KIF18B: variants seen among roughly 807,000 people sequenced by gnomAD.
KIF18B encodes the protein kinesin family member 18B.
Under a neutral mutation model 80.9 loss-of-function variants are expected in KIF18B, and 49 were observed. The observed-to-expected ratio is 0.61, with a 90% CI of 0.48 to 0.77. The LOEUF is 0.77. Among genes scored for constraint, KIF18B ranks in the 30% least tolerant of loss-of-function variants. KIF18B has a pLI of 0.00. For missense variants in KIF18B, 994 were observed against 1,127.7 expected, an observed-to-expected ratio of 0.88 and a Z score of 1.70; for synonymous variants, 439 against 463.9, an observed-to-expected ratio of 0.95 and a Z score of 0.69.
intron 15 of KIF18B, 73 bp downstream of exon 15, chr17:44,926,341 C>A: frequency 6.4e-7 from 1 of 1,553,486 alleles, no homozygotes; most frequent in South Asian, 1.2e-5. Flanking sequence ...GGTCTCAGCT[C>A]CCCGTCCCCT....
In KIF18B at chr17:44,926,411, C is replaced by T; in HGVS notation, c.2452+3G>A. The T allele has an allele frequency of 6.4e-7, 1 of 1,569,592 alleles. No individual in the cohort carries two copies. ...GGCTATCCCTGTCCCTAGTGCCAGT[C>T]ACCTGGGAGTACAAGGGGCCCAGCT... is the stretch of plus-strand genomic sequence containing the variant. On this transcript the variant is annotated splice_donor_region_variant and intron_variant, in intron 15 of 15. Coordinates refer to ENST00000593135, the MANE Select transcript of KIF18B (RefSeq NM_001265577.2).
chr17:44,934,003 T>C lies in KIF18B; in HGVS notation c.982A>G (p.Ile328Val), dbSNP rs2052218789. 3 of 1,609,622 alleles carry C rather than the reference T, an allele frequency of 1.9e-6. No individual in the cohort carries two copies. The highest frequency in any genetic ancestry group is 1.7e-6 in the Non-Finnish European group (2 of 1,178,168). ...TCGTAGGTCAGGCTGGAGGGGCTGA[T>C]GGCAGCGATCATCACTGTGCGGCAG... ...GNCRTVMIAA[I>V]SPSSLTYEDT... is the part of the protein sequence containing the mutation. The change falls in exon 7 of 16, where the codon ATC (isoleucine) becomes GTC (valine). Residue 328 changes from isoleucine to valine, a missense_variant. Physicochemically the swap from Ile to Val is conservative, Grantham distance 29 (BLOSUM62 3). Coordinates refer to ENST00000593135, the MANE Select transcript of KIF18B (RefSeq NM_001265577.2). This position sits in a 1 kb window ranked among gnomAD's most constrained non-coding sequence, Gnocchi z 5.4.
chr17:44,943,859 C>T (rs918642849), intron 1 of KIF18B, among the ~76,000 whole-genome samples: 3 of 152,188 alleles, frequency 2.0e-5, no homozygotes, highest in African/African-American at 7.2e-5. Flanking sequence ...GCTGGGACCA[C>T]AGGTGTGCCA....
At chr17:44,930,802 G>A (rs2052129681) in intron 11 of KIF18B, among the ~76,000 whole-genome samples, 1 of 152,132 alleles carries the variant, frequency 6.6e-6, no homozygotes, top group Non-Finnish European at 1.5e-5. Flanking sequence ...TCAGGGGGAT[G>A]TCGCACCAGA....
At chr17:44,947,568 G>C (rs1051433249) in intron 1 of KIF18B, 60 bp downstream of exon 1, 13 of 152,296 alleles carry the variant, frequency 8.5e-5, no homozygotes, top group Non-Finnish European at 1.6e-4. Flanking sequence ...CTGGGTCTGC[G>C]CGTCCGAGAC....
At chr17:44,928,620 G>A in intron 12 of KIF18B, 42 bp from the exon 13 acceptor site, 2 of 1,439,410 alleles carry the variant, frequency 1.4e-6, no homozygotes, top group Admixed American at 2.8e-5. Context: ...TGGGGAGCCA[G>A]ACACTGGAGA....
In KIF18B at chr17:44,945,308, G is replaced by A. The variant is rs558769193; in HGVS notation, c.-15+2320C>T. Among the ~76,000 whole-genome samples, 26 of 152,304 alleles carry A rather than the reference G, an allele frequency of 1.7e-4. No individual in the cohort carries two copies. In the East Asian group the frequency reaches 4.8e-3, roughly 28 times the overall value. ...ACTCCTGGGCTCAAGCTGTCCACCC[G>A]CCTTGGTTTCCCAAACTGCTGGGAT... On this transcript the variant is annotated intron_variant, in intron 1 of 15. Coordinates refer to ENST00000593135, the MANE Select transcript of KIF18B (RefSeq NM_001265577.2).
chr17:44,933,642 A>G (rs2052208443), intron 7 of KIF18B, among the ~76,000 whole-genome samples: 1 of 151,956 alleles, frequency 6.6e-6, no homozygotes, highest in African/African-American at 2.4e-5. Flanking sequence ...ACAGGTGCCC[A>G]CCACCATGCC....
Position 44,926,499 on chromosome 17 carries a change from A to G in KIF18B, c.2367T>C (p.Ser789=). The change falls in exon 15 of 16, where the codon AGT becomes AGC. Residue 789 remains serine, a splice_region_variant and synonymous_variant. Coordinates refer to ENST00000593135, the MANE Select transcript of KIF18B (RefSeq NM_001265577.2). ...TSACKKKRVA[S]SSVSHGRSRI... is the part of the protein sequence containing the mutation. ...GGCTGCGGCCATGGGAGACTGAGGA[A>G]CTGAGGGAGGAAAGGAGGGAAGGTG... The G allele has an allele frequency of 6.3e-7, 1 of 1,582,584 alleles. No homozygotes were observed. The highest frequency in any genetic ancestry group is 8.6e-7 in the Non-Finnish European group (1 of 1,166,552).
At chr17:44,939,007 G>T (rs1163343885) in intron 1 of KIF18B, among the ~76,000 whole-genome samples, 1 of 150,332 alleles carries the variant, frequency 6.7e-6, no homozygotes, top group African/African-American at 2.5e-5. Flanking sequence ...TCGTACCACT[G>T]CACTCCAGCC....
chr17:44,941,318 G>A (rs1461505790), intron 1 of KIF18B, among the ~76,000 whole-genome samples: 2 of 151,268 alleles, frequency 1.3e-5, no homozygotes, highest in Admixed American at 6.6e-5. Context: ...CAAATATATG[G>A]ACTGTACCTA....
Position 44,942,391 on chromosome 17 carries a change from A to G in KIF18B, c.-15+5237T>C, listed in dbSNP as rs961577751. Reference sequence around the variant, plus strand: ...GGGGAGAGCCTGCTCTGCCCACCCTAGTAGAGACAGGTCCAGTGAGCCCAA... The same window carrying G: ...GGGGAGAGCCTGCTCTGCCCACCCTGGTAGAGACAGGTCCAGTGAGCCCAA... On this transcript the variant is annotated intron_variant, in intron 1 of 15. Coordinates refer to ENST00000593135, the MANE Select transcript of KIF18B (RefSeq NM_001265577.2). Among the ~76,000 whole-genome samples, 11 of 152,158 alleles carry G rather than the reference A, an allele frequency of 7.2e-5. 1 individual carries two copies. The highest frequency in any genetic ancestry group is 1.5e-5 in the Non-Finnish European group (1 of 68,024).
rs775225141 is a variant in KIF18B, at chr17:44,935,295, C to T, written c.435G>A (p.Gln145=). 3.1e-6 allele frequency: 5 copies of T among 1,611,690 alleles called. No homozygotes were observed. Among genetic ancestry groups the T allele is most frequent in the Admixed American group, 1.7e-5 (1 of 59,866 alleles). ...ELYRRLEARQ[Q]EKHFEVLISY... ...TGATGAGCACCTCGAAGTGCTTCTC[C>T]TGCTGGCGGGCCTCCAGGCGCCTGT... Residue 145 remains glutamine (Q), a synonymous_variant, in exon 3 of 16, where the codon CAG becomes CAA. Transcript: ENST00000593135.
chr17:44,935,397 G>A lies in KIF18B; in HGVS notation c.333C>T (p.Thr111=), dbSNP rs1236741594. 12 of 1,610,654 alleles carry A rather than the reference G, an allele frequency of 7.5e-6. No homozygotes were observed. In the East Asian group the frequency reaches 1.1e-4, roughly 15 times the overall value. The part of the protein sequence containing the change: ...YNCSVFAYGA[T]GAGKTHTMLG... ...GCATGGTGTGTGTCTTCCCAGCCCC[G>A]GTGGCCCCGTAGGCAAACACTGCAG... The change falls in exon 3 of 16, where the codon ACC becomes ACT. Residue 111 remains threonine, a synonymous_variant. Transcript: ENST00000593135.
chr17:44,944,019 A>G (rs576206102), intron 1 of KIF18B, among the ~76,000 whole-genome samples: 1 of 152,286 alleles, frequency 6.6e-6, no homozygotes, highest in Admixed American at 6.5e-5. Context: ...ACCGGCTCCT[A>G]TTGAATTGTA....
chr17:44,934,756 C>T lies in KIF18B; in HGVS notation c.576+75G>A, dbSNP rs2052242290. 3.8e-6 allele frequency: 5 copies of T among 1,298,936 alleles called. No homozygotes were observed. Among genetic ancestry groups the T allele is most frequent in the Non-Finnish European group, 1.1e-6 (1 of 936,168 alleles). The allele number at this position is 1,298,936 out of a possible 1,614,324, so 80.5% of individuals were successfully genotyped here. On this transcript the variant is annotated intron_variant, in intron 4 of 15. Transcript: ENST00000593135. The surrounding 1 kb of genome is among the most constrained non-coding windows in gnomAD (Gnocchi z 5.4). ...GCTACCACCATCACAGGACCCAGGG[C>T]ATCCCCAAACAGTTTTGTGAGGGAA...
At chr17:44,939,514 C>T (rs2052377386) in intron 1 of KIF18B, among the ~76,000 whole-genome samples, 1 of 150,784 alleles carries the variant, frequency 6.6e-6, no homozygotes, top group African/African-American at 2.4e-5. Context: ...TTTTTCTTGG[C>T]TATTTTTAGG....
At chr17:44,937,521 A>T (rs912218644) in intron 1 of KIF18B, among the ~76,000 whole-genome samples, 1 of 152,132 alleles carries the variant, frequency 6.6e-6, no homozygotes, top group African/African-American at 2.4e-5. Flanking sequence ...GCTCCCGTGG[A>T]TGGAACACTT....
At chr17:44,935,637 G>A (rs1162746482) in intron 2 of KIF18B, among the ~76,000 whole-genome samples, 1 of 152,180 alleles carries the variant, frequency 6.6e-6, no homozygotes, top group East Asian at 1.9e-4. Flanking sequence ...CTCCACTATG[G>A]GTGCGGGCTA....
Sources: allele counts gnomAD v4.1 joint callset (sites outside exome capture counted in the v4.1 genomes callset), GRCh38; gene constraint gnomAD v4.1.1; non-coding constraint Gnocchi (gnomAD v3.1); transcripts MANE v1.5; gene names NCBI Gene and HGNC (gene_info 2026-07-23, HGNC 2026-07-21).